ARL14EP: variants seen among roughly 807,000 people sequenced by gnomAD.
The protein encoded by ARL14EP is ARF like GTPase 14 effector protein, also known as ARL14 effector protein.
Under a neutral mutation model 23.1 loss-of-function variants are expected in ARL14EP, and 12 were observed. The ratio of observed to expected loss-of-function variants is 0.52; its 90% confidence interval spans 0.33 to 0.84. ARL14EP has a LOEUF of 0.84. Ranked by LOEUF, ARL14EP falls within the 40% of genes least tolerant of loss-of-function variation. The pLI, the probability that ARL14EP is intolerant of heterozygous loss-of-function variation, is 0.02. For synonymous variants in ARL14EP, 97 were observed against 102.0 expected (o/e 0.95, Z 0.29); for missense variants, 253 against 307.3 (o/e 0.82, Z 1.32).
intron 3 of ARL14EP, among the ~76,000 whole-genome samples, chr11:30,334,233 T>TTTTTTTTTTTTTTTTTTTTA (rs1947313021): frequency 7.5e-6 from 1 of 132,896 alleles, no homozygotes; most frequent in Admixed American, 7.6e-5. Context: ...TTTTTTTTTT[T>TTTTTTTTTTTTTTTTTTTTA]GAGATGGAGT....
Position 30,336,994 on chromosome 11 carries a change from A to AT in ARL14EP, c.*199_*200insT. On this transcript the variant is annotated 3_prime_UTR_variant, in exon 4 of 4. Coordinates refer to ENST00000282032, the MANE Select transcript of ARL14EP (RefSeq NM_152316.3). The stretch of plus-strand genomic sequence containing the variant: ...GGCTATTTTTCAGTAGTCAGCGTTA[A>AT]GCCTGTCTGGATCAATATAAACAAG... 4 of 599,722 alleles carry AT rather than the reference A, an allele frequency of 6.7e-6. No individual in the cohort carries two copies. Among genetic ancestry groups the AT allele is most frequent in the Non-Finnish European group, 5.9e-6 (2 of 340,606 alleles). The allele number at this position is 599,722 out of a possible 1,614,324, so 37.2% of individuals were successfully genotyped here. A position where few individuals can be genotyped will look rare whatever the true frequency, so the allele number is the denominator to read the frequency against.
intron 2 of ARL14EP, 48 bp downstream of exon 2, chr11:30,331,422 G>C: frequency 6.2e-7 from 1 of 1,611,738 alleles, no homozygotes; most frequent in Non-Finnish European, 8.5e-7. Context: ...CTACCATGTA[G>C]GATTTTGCTT....
chr11:30,337,112 A>G lies in ARL14EP; in HGVS notation c.*317A>G, dbSNP rs1461156655. ...TTAAATACCAGTTTCCTTACCAGGA[A>G]GGAAAGAAAACTGGTAAGGAAACTG... is the stretch of plus-strand genomic sequence containing the variant. On this transcript the variant is annotated 3_prime_UTR_variant, in exon 4 of 4. Transcript: ENST00000282032. The G allele has an allele frequency of 6.3e-6, 2 of 317,304 alleles. No individual in the cohort carries two copies. The allele number at this position is 317,304 out of a possible 1,614,324, so 19.7% of individuals were successfully genotyped here. A position where few individuals can be genotyped will look rare whatever the true frequency, so the allele number is the denominator to read the frequency against.
At chr11:30,330,409 T>G (rs2133648398) in intron 1 of ARL14EP, 1 of 152,724 alleles carries the variant, frequency 6.5e-6, no homozygotes, top group Non-Finnish European at 1.5e-5. Flanking sequence ...TGACATATTT[T>G]TTATAATGAG....
chr11:30,335,748 G>A (rs1947325970), intron 3 of ARL14EP, among the ~76,000 whole-genome samples: 2 of 138,958 alleles, frequency 1.4e-5, no homozygotes, highest in Admixed American at 7.4e-5. Flanking sequence ...TATATGCACT[G>A]GAAAAGCAAA....
intron 3 of ARL14EP, among the ~76,000 whole-genome samples, chr11:30,334,170 C>G (rs1947310967): frequency 6.8e-6 from 1 of 148,026 alleles, no homozygotes; most frequent in Non-Finnish European, 1.5e-5. Context: ...ATGAAGGTAG[C>G]TACACTACCC....
intron 3 of ARL14EP, among the ~76,000 whole-genome samples, chr11:30,336,249 G>C (rs1468692085): frequency 1.3e-5 from 2 of 152,114 alleles, no homozygotes; most frequent in Admixed American, 1.3e-4. Flanking sequence ...GAAGAGGTTG[G>C]TAGCTAATAA....
intron 1 of ARL14EP, among the ~76,000 whole-genome samples, chr11:30,323,856 G>T (rs1270432769): frequency 6.6e-6 from 1 of 152,192 alleles, no homozygotes; most frequent in South Asian, 2.1e-4. Context: ...CCTCAGGGTG[G>T]CTATGAAGGT....
chr11:30,324,409 A>G (rs186877098), intron 1 of ARL14EP, among the ~76,000 whole-genome samples: 83 of 152,316 alleles, frequency 5.4e-4, no homozygotes, highest in Admixed American at 8.5e-4. Flanking sequence ...CTAAAAAACT[A>G]TGTTAAGGGA....
At chr11:30,328,013 G>A (rs1200426183) in intron 1 of ARL14EP, 1 of 152,030 alleles carries the variant, frequency 6.6e-6, no homozygotes, top group Non-Finnish European at 1.5e-5. Context: ...GTCAAAGCCA[G>A]ATTGTGTCCC....
At chr11:30,330,176 T>C (rs1051790395) in intron 1 of ARL14EP, 7 of 152,162 alleles carry the variant, frequency 4.6e-5, no homozygotes, top group African/African-American at 1.7e-4. Flanking sequence ...CATCTACTCA[T>C]GGATCTGTTT....
chr11:30,336,918 A>G lies in ARL14EP; in HGVS notation c.*123A>G. 2.2e-6 allele frequency: 2 copies of G among 911,616 alleles called. No individual in the cohort carries two copies. The highest frequency in any genetic ancestry group is 3.4e-6 in the Non-Finnish European group (2 of 582,142). 56.5% of individuals were successfully genotyped at this position (911,616 alleles called of 1,614,324 possible). On this transcript the variant is annotated 3_prime_UTR_variant, in exon 4 of 4. Coordinates refer to ENST00000282032, the MANE Select transcript of ARL14EP (RefSeq NM_152316.3). ...TTTAAAACCATCTCAGTGTGCCCTA[A>G]TTTTTCATCTTGGGTGCTTTAAGAT...
At chr11:30,333,498 C>G (rs527412578) in intron 3 of ARL14EP, among the ~76,000 whole-genome samples, 1 of 152,154 alleles carries the variant, frequency 6.6e-6, no homozygotes, top group Non-Finnish European at 1.5e-5. Context: ...TTATGATGAT[C>G]TTTGATGTTA....
At chr11:30,323,399 G>T (rs569417454) in intron 1 of ARL14EP, among the ~76,000 whole-genome samples, 197 bp downstream of exon 1, 2 of 152,184 alleles carry the variant, frequency 1.3e-5, no homozygotes, top group Non-Finnish European at 2.9e-5. Flanking sequence ...GCGACGCAAC[G>T]CCTTGTGTCA....
At chr11:30,332,349 A>G (rs774961487) in intron 2 of ARL14EP, among the ~76,000 whole-genome samples, 6 of 151,674 alleles carry the variant, frequency 4.0e-5, no homozygotes, top group South Asian at 4.2e-4. Context: ...CTTGTAGAAT[A>G]TATCAGCTGC....
chr11:30,329,790 G>A (rs1947267790), intron 1 of ARL14EP: 1 of 151,922 alleles, frequency 6.6e-6, no homozygotes, highest in African/African-American at 2.4e-5. Context: ...TTGATTTTTG[G>A]AAGTGAGGAG....
At chr11:30,335,073 C>T (rs889692023) in intron 3 of ARL14EP, among the ~76,000 whole-genome samples, 17 of 152,186 alleles carry the variant, frequency 1.1e-4, no homozygotes, top group Non-Finnish European at 2.4e-4. Flanking sequence ...AAGGATTCAC[C>T]ATTCCAAGAG....
At chr11:30,324,803 T>A (rs1004471198) in intron 1 of ARL14EP, among the ~76,000 whole-genome samples, 1 of 152,190 alleles carries the variant, frequency 6.6e-6, no homozygotes, top group Non-Finnish European at 1.5e-5. Context: ...GTTTACTGCC[T>A]AAGGTAGTAG....
At chr11:30,328,137 AAT>A (rs1491113550) in intron 1 of ARL14EP, 11 of 147,292 alleles carry the variant, frequency 7.5e-5, no homozygotes, top group South Asian at 2.2e-4. Context: ...AGAAAAAAAA[AAT>A]TTTTTTTATT....
Sources: allele counts gnomAD v4.1 joint callset (sites outside exome capture counted in the v4.1 genomes callset), GRCh38; gene constraint gnomAD v4.1.1; transcripts MANE v1.5; gene names NCBI Gene and HGNC (gene_info 2026-07-23, HGNC 2026-07-21).